Variants in ZC3H7A observed in about 807,000 individuals in gnomAD.
The protein encoded by ZC3H7A is zinc finger CCCH-type containing 7A.
ZC3H7A carries 44 observed loss-of-function variants against 125.5 expected under a neutral mutation model. That is an observed-to-expected ratio of 0.35 (90% CI 0.28 to 0.45). ZC3H7A has a LOEUF of 0.45. Ranked by LOEUF, ZC3H7A falls within the 20% of genes least tolerant of loss-of-function variation. The pLI, the probability that ZC3H7A is intolerant of heterozygous loss-of-function variation, is 1.00. For missense variants in ZC3H7A, 977 were observed against 1,170.7 expected (o/e 0.83, Z 2.41); for synonymous variants, 399 against 391.2 (o/e 1.02, Z -0.23).
chr16:11,768,992 T>G, intron 11 of ZC3H7A, 39 bp downstream of exon 11: 1 of 1,560,612 alleles, frequency 6.4e-7, no homozygotes, highest in Non-Finnish European at 8.7e-7. Flanking sequence ...CTATTTTCAA[T>G]TCAAGCGATG....
At chr16:11,773,213 C>G (rs968448789) in intron 9 of ZC3H7A, among the ~76,000 whole-genome samples, 3 of 151,838 alleles carry the variant, frequency 2.0e-5, no homozygotes, top group Admixed American at 1.3e-4. Context: ...CAGGGTCTCG[C>G]TGTGTTGCCC....
rs1007166260 is a variant in ZC3H7A, at chr16:11,773,153, G to A, written c.903+1083C>T. ...TGTGTTCCAGTAAAACTTTACTTAC[G>A]GACCCAGAAATTGGAATGTCATATA... On this transcript the variant is annotated intron_variant, in intron 9 of 22. Transcript: ENST00000355758. Among the ~76,000 whole-genome samples, 3 of 151,836 alleles carry A rather than the reference G, an allele frequency of 2.0e-5. 1 individual carries two copies. Among genetic ancestry groups the A allele is most frequent in the African/African-American group, 7.3e-5 (3 of 41,142 alleles).
chr16:11,791,710 CAG>C (rs751753701), intron 1 of ZC3H7A, among the ~76,000 whole-genome samples: 8 of 152,280 alleles, frequency 5.3e-5, no homozygotes, highest in South Asian at 4.1e-4. Context: ...TGCATGCAAA[CAG>C]AGCTGGTTAT....
chr16:11,761,398 G>T lies in ZC3H7A; in HGVS notation c.2319+8C>A, dbSNP rs950090624. ...TTAAAAAAAGTGGCTTAAAAATTACGTATGTACATCAAACTGTAAAGGCAT... is the reference window on the plus strand; with the variant it reads ...TTAAAAAAAGTGGCTTAAAAATTACTTATGTACATCAAACTGTAAAGGCAT... On this transcript the variant is annotated splice_region_variant and intron_variant, in intron 19 of 22. Coordinates refer to ENST00000355758, the MANE Select transcript of ZC3H7A (RefSeq NM_014153.4). 1.9e-6 allele frequency: 3 copies of T among 1,611,212 alleles called. No homozygotes were observed. The highest frequency in any genetic ancestry group is 2.2e-5 in the East Asian group (1 of 44,830).
chr16:11,762,449 A>G lies in ZC3H7A; in HGVS notation c.2079+222T>C, dbSNP rs114740839. 1.7e-3 allele frequency among the ~76,000 whole-genome samples: 254 copies of G among 152,310 alleles called. 1 individual carries two copies. Among genetic ancestry groups the G allele is most frequent in the African/African-American group, 5.2e-3 (217 of 41,584 alleles). ...TGTTTTGTCAATTAAACTAAATAAG[A>G]AAACAGTGTCCTACACTCTTGGCAA... On this transcript the variant is annotated intron_variant, in intron 17 of 22. Coordinates refer to ENST00000355758, the MANE Select transcript of ZC3H7A (RefSeq NM_014153.4).
chr16:11,783,162 T>C (rs1048163822), intron 1 of ZC3H7A: 3 of 152,170 alleles, frequency 2.0e-5, no homozygotes, highest in Non-Finnish European at 4.4e-5. Flanking sequence ...CTGACTTCCT[T>C]GTAAGCCAAG....
At chr16:11,771,224 C>G (rs921977938) in intron 9 of ZC3H7A, among the ~76,000 whole-genome samples, 21 of 151,922 alleles carry the variant, frequency 1.4e-4, no homozygotes, top group African/African-American at 5.1e-4. Context: ...TCCATCTCCA[C>G]TAAAATACAA....
At chr16:11,774,720 C>A (rs1394090662) in intron 8 of ZC3H7A, among the ~76,000 whole-genome samples, 1 of 152,210 alleles carries the variant, frequency 6.6e-6, no homozygotes, top group African/African-American at 2.4e-5. Context: ...GCCTGTATCT[C>A]TCTTTGGGCA....
chr16:11,779,001 C>T (rs1012253191), intron 4 of ZC3H7A, among the ~76,000 whole-genome samples, 165 bp downstream of exon 4: 3 of 152,096 alleles, frequency 2.0e-5, no homozygotes, highest in Non-Finnish European at 2.9e-5. Context: ...CGTGAGCCAC[C>T]GTGCCCGGCC....
chr16:11,777,301 A>G (rs1450033879), intron 4 of ZC3H7A, among the ~76,000 whole-genome samples: 1 of 152,228 alleles, frequency 6.6e-6, no homozygotes, highest in African/African-American at 2.4e-5. Flanking sequence ...GCTAACTGAT[A>G]AGGAATATAT....
intron 1 of ZC3H7A, chr16:11,796,698 G>A (rs1015620409): frequency 4.6e-5 from 7 of 152,254 alleles, no homozygotes; most frequent in African/African-American, 1.4e-4. Flanking sequence ...AAAGACGGAT[G>A]AGCCCCAAAT....
chr16:11,763,160 C>T lies in ZC3H7A; in HGVS notation c.2002+318G>A, dbSNP rs536053669. 12 of 245,008 alleles carry T rather than the reference C, an allele frequency of 4.9e-5. No homozygotes were observed. In the Admixed American group the frequency reaches 5.9e-4, roughly 12 times the overall value. The allele number at this position is 245,008 out of a possible 1,614,324, so 15.2% of individuals were successfully genotyped here. A position where few individuals can be genotyped will look rare whatever the true frequency, so the allele number is the denominator to read the frequency against. Reference sequence around the variant, plus strand: ...TCTCATGTTATCACCCAGACTGGAGCGTAGTGTTGTGATCCTGGCCCACTG... The same window carrying T: ...TCTCATGTTATCACCCAGACTGGAGTGTAGTGTTGTGATCCTGGCCCACTG... On this transcript the variant is annotated intron_variant, in intron 16 of 22. Coordinates refer to ENST00000355758, the MANE Select transcript of ZC3H7A (RefSeq NM_014153.4).
intron 19 of ZC3H7A, among the ~76,000 whole-genome samples, chr16:11,760,122 G>GAAAA (rs66812605): frequency 1.8e-4 from 15 of 82,542 alleles, no homozygotes; most frequent in African/African-American, 4.3e-4. Context: ...AAGAAAAAAT[G>GAAAA]AAAAAAAAAA....
At chr16:11,761,798 C>T (rs2052757216) in intron 18 of ZC3H7A, 112 bp downstream of exon 18, 1 of 1,412,628 alleles carries the variant, frequency 7.1e-7, no homozygotes, top group Non-Finnish European at 9.6e-7. Flanking sequence ...CCTAAATTAT[C>T]TATTTTTCTC....
chr16:11,790,322 T>C (rs755325251), intron 1 of ZC3H7A, among the ~76,000 whole-genome samples: 2 of 152,192 alleles, frequency 1.3e-5, no homozygotes, highest in Non-Finnish European at 2.9e-5. Context: ...AGGCTCAGCG[T>C]CCTTTCAAAT....
intron 7 of ZC3H7A, 85 bp from the exon 8 acceptor site, chr16:11,775,098 C>G (rs2053057059): frequency 1.4e-6 from 2 of 1,429,048 alleles, no homozygotes. Context: ...CTAGGCCGGG[C>G]ACAGTGGCTC....
intron 3 of ZC3H7A, 99 bp downstream of exon 3, chr16:11,781,326 G>T: frequency 8.8e-7 from 1 of 1,141,936 alleles, no homozygotes; most frequent in Non-Finnish European, 1.3e-6. Flanking sequence ...CAGCAGGCCA[G>T]ATTGGGCCCA....
chr16:11,776,402 C>G, intron 6 of ZC3H7A, 44 bp from the exon 7 acceptor site: 1 of 1,601,764 alleles, frequency 6.2e-7, no homozygotes, highest in African/African-American at 1.3e-5. Flanking sequence ...GAACTGACTC[C>G]AAGTTCTAAA....
chr16:11,786,880 C>A (rs1002033884), intron 1 of ZC3H7A, among the ~76,000 whole-genome samples: 1 of 152,124 alleles, frequency 6.6e-6, no homozygotes, highest in Admixed American at 6.6e-5. Flanking sequence ...TTCATCAGTC[C>A]GTCTTACTGT....
Sources: allele counts gnomAD v4.1 joint callset (sites outside exome capture counted in the v4.1 genomes callset), GRCh38; gene constraint gnomAD v4.1.1; transcripts MANE v1.5; gene names NCBI Gene and HGNC (gene_info 2026-07-23, HGNC 2026-07-21).